CAMK2B: variants seen among roughly 807,000 people sequenced by gnomAD.
The protein encoded by CAMK2B is calcium/calmodulin-dependent protein kinase type II subunit beta.
A neutral mutation model predicts 93.7 loss-of-function variants in CAMK2B; 27 were observed. The observed-to-expected ratio is 0.29, with a 90% CI of 0.21 to 0.40. CAMK2B has a LOEUF of 0.40. Among genes scored for constraint, CAMK2B ranks in the 10% least tolerant of loss-of-function variants. CAMK2B has a pLI of 1.00. For missense variants in CAMK2B, 568 were observed against 895.8 expected (o/e 0.63, Z 4.67); for synonymous variants, 374 against 358.8 (o/e 1.04, Z -0.48).
At chr7:44,323,343 CCACA>C (rs761298526) in intron 1 of CAMK2B, among the ~76,000 whole-genome samples, 2 of 152,210 alleles carry the variant, frequency 1.3e-5, no homozygotes, top group Non-Finnish European at 2.9e-5. Context: ...GCTCAGGAGG[CCACA>C]CTCGCTCCTT....
chr7:44,292,985 T>C (rs895989154), intron 1 of CAMK2B, among the ~76,000 whole-genome samples: 1 of 152,198 alleles, frequency 6.6e-6, no homozygotes, highest in South Asian at 2.1e-4. Context: ...TCTTTGTGGG[T>C]GCATCTCAGA....
chr7:44,307,510 G>A (rs747859721), intron 1 of CAMK2B, among the ~76,000 whole-genome samples: 4 of 151,978 alleles, frequency 2.6e-5, no homozygotes, highest in South Asian at 2.1e-4. Context: ...TGTCATTGGC[G>A]CCATCTGGCC....
chr7:44,305,699 C>T (rs559133675), intron 1 of CAMK2B, among the ~76,000 whole-genome samples: 36 of 152,220 alleles, frequency 2.4e-4, no homozygotes, highest in African/African-American at 3.6e-4. Context: ...GAAGCAGGGC[C>T]GGGAGTTGGC....
intron 1 of CAMK2B, among the ~76,000 whole-genome samples, chr7:44,299,069 G>A (rs1329012362): frequency 6.6e-6 from 1 of 151,940 alleles, no homozygotes. Flanking sequence ...TGTAAAGCAG[G>A]GACTCAAACA....
intron 1 of CAMK2B, among the ~76,000 whole-genome samples, chr7:44,287,156 C>T (rs1480360044): frequency 6.6e-6 from 1 of 152,120 alleles, no homozygotes; most frequent in Non-Finnish European, 1.5e-5. Flanking sequence ...GACACCACTG[C>T]TCCCTGCGCC....
intron 1 of CAMK2B, among the ~76,000 whole-genome samples, chr7:44,291,475 C>T (rs1786820007): frequency 6.6e-6 from 1 of 152,192 alleles, no homozygotes; most frequent in Admixed American, 6.5e-5. Flanking sequence ...TCTGAGGTGA[C>T]CCTACTGGAG....
chr7:44,237,200 CAGTT>C (rs1405960518), intron 13 of CAMK2B, among the ~76,000 whole-genome samples: 1 of 152,278 alleles, frequency 6.6e-6, no homozygotes, highest in African/African-American at 2.4e-5. Flanking sequence ...GGAGGCACCA[CAGTT>C]AGGCCCATCG....
chr7:44,308,653 A>G (rs1315305658), intron 1 of CAMK2B, among the ~76,000 whole-genome samples: 1 of 152,144 alleles, frequency 6.6e-6, no homozygotes, highest in African/African-American at 2.4e-5. Flanking sequence ...TGAAGGCAGG[A>G]GTGACATTAC....
At chr7:44,255,381 C>A (rs147926679) in intron 4 of CAMK2B, among the ~76,000 whole-genome samples, 2 of 152,182 alleles carry the variant, frequency 1.3e-5, no homozygotes, top group East Asian at 3.9e-4. Flanking sequence ...GCTGGATGCA[C>A]GGCAGGGGAG....
chr7:44,274,291 G>C (rs1015932924), intron 2 of CAMK2B, among the ~76,000 whole-genome samples: 2 of 152,152 alleles, frequency 1.3e-5, no homozygotes, highest in Non-Finnish European at 2.9e-5. Context: ...TTCTGGCCCT[G>C]GGGACAGAGG....
chr7:44,246,365 G>A (rs1562887777), intron 6 of CAMK2B, among the ~76,000 whole-genome samples: 1 of 152,054 alleles, frequency 6.6e-6, no homozygotes, highest in Non-Finnish European at 1.5e-5. Flanking sequence ...GGTCCGGAGG[G>A]GTAGGGAGGG....
intron 6 of CAMK2B, among the ~76,000 whole-genome samples, chr7:44,246,817 A>G (rs2096735510): frequency 6.6e-6 from 1 of 152,170 alleles, no homozygotes; most frequent in South Asian, 2.1e-4. Context: ...GCACATGCAC[A>G]CACATACTTC....
chr7:44,265,344 C>A lies in CAMK2B; in HGVS notation c.161-2280G>T, dbSNP rs184752426. The stretch of plus-strand genomic sequence containing the variant: ...ACACTCATGTCTCTAAGCTACAATC[C>A]ACGTTCCACCTTTCCAACTTGTCCC... On this transcript the variant is annotated intron_variant, in intron 2 of 23. Coordinates refer to ENST00000395749, the MANE Select transcript of CAMK2B (RefSeq NM_001220.5). Among the ~76,000 whole-genome samples, 77 of 152,316 alleles carry A rather than the reference C, an allele frequency of 5.1e-4. 1 individual carries two copies. The highest frequency in any genetic ancestry group is 3.4e-3 in the Middle Eastern group (1 of 294).
intron 3 of CAMK2B, among the ~76,000 whole-genome samples, chr7:44,260,970 G>C (rs1052891519): frequency 3.3e-5 from 5 of 152,180 alleles, no homozygotes; most frequent in Non-Finnish European, 1.5e-5. Flanking sequence ...TGCCAAGCAG[G>C]GACTCCACCA....
At chr7:44,246,744 T>A (rs531808959) in intron 6 of CAMK2B, among the ~76,000 whole-genome samples, 288 of 151,876 alleles carry the variant, frequency 1.9e-3, no homozygotes, top group Non-Finnish European at 2.8e-3. Flanking sequence ...GCACACACAC[T>A]CACACAATGC....
intron 1 of CAMK2B, among the ~76,000 whole-genome samples, chr7:44,317,067 G>A (rs1475124640): frequency 1.3e-5 from 2 of 152,036 alleles, no homozygotes; most frequent in African/African-American, 4.8e-5. Context: ...AGCTCCCTAA[G>A]GGCAGGCATC....
chr7:44,245,632 C>T (rs771265792), intron 6 of CAMK2B, among the ~76,000 whole-genome samples: 1 of 152,174 alleles, frequency 6.6e-6, no homozygotes, highest in African/African-American at 2.4e-5. Context: ...CCCAGAGGCG[C>T]CTGAGTGAGG....
chr7:44,247,702 G>A (rs1427781507), intron 5 of CAMK2B, among the ~76,000 whole-genome samples: 1 of 152,212 alleles, frequency 6.6e-6, no homozygotes, highest in Non-Finnish European at 1.5e-5. Context: ...CAGAAATAAT[G>A]TGCTCGGGCA....
rs2096366776 is a variant in CAMK2B, at chr7:44,219,246, T to G, written c.*279A>C. 1 of 150,426 alleles carries G rather than the reference T, an allele frequency of 6.6e-6. No homozygotes were observed. Among genetic ancestry groups the G allele is most frequent in the African/African-American group, 2.4e-5 (1 of 40,902 alleles). 9.3% of individuals were successfully genotyped at this position (150,426 alleles called of 1,614,324 possible). On this transcript the variant is annotated 3_prime_UTR_variant, in exon 24 of 24. Transcript: ENST00000395749. ...TGGGGAGTGGCCCCACGAATGCCAGTGATTTTTACAGCTTTTTCCTTCCTT... is the reference window on the plus strand; with the variant it reads ...TGGGGAGTGGCCCCACGAATGCCAGGGATTTTTACAGCTTTTTCCTTCCTT...
Sources: allele counts gnomAD v4.1 joint callset (sites outside exome capture counted in the v4.1 genomes callset), GRCh38; gene constraint gnomAD v4.1.1; transcripts MANE v1.5; gene names NCBI Gene and HGNC (gene_info 2026-07-23, HGNC 2026-07-21).